Variants in ADK observed in about 807,000 individuals in gnomAD.
The protein encoded by ADK is N6,N6-dimethyladenosine kinase.
Under a neutral mutation model 44.7 loss-of-function variants are expected in ADK, and 24 were observed. That is an observed-to-expected ratio of 0.54 (90% CI 0.39 to 0.76). The LOEUF (loss-of-function observed/expected upper bound fraction) is 0.76, where lower values mean the gene tolerates loss of function less well. Among genes scored for constraint, ADK ranks in the 30% least tolerant of loss-of-function variants. The pLI is 0.00. For synonymous variants in ADK, 128 were observed against 142.6 expected, an observed-to-expected ratio of 0.90 and a Z score of 0.73; for missense variants, 321 against 425.1, an observed-to-expected ratio of 0.76 and a Z score of 2.15.
At position 74,270,649 on chromosome 10, in the gene ADK, C is replaced by T. The variant is rs374778057; in HGVS notation, c.195-44018C>T. ...TAGACTATGCTTTGAGAACTGCTGG[C>T]CTTAGCAATTGAACGTAAGTACAGT... On this transcript the variant is annotated intron_variant, in intron 3 of 10. Coordinates refer to ENST00000539909, the MANE Select transcript of ADK (RefSeq NM_006721.4). Among the ~76,000 whole-genome samples, 7 of 152,262 alleles carry T rather than the reference C, an allele frequency of 4.6e-5. No individual in the cohort carries two copies. The East Asian group carries it at 1.2e-3, about 25-fold the overall frequency.
At chr10:74,659,356 T>G (rs1854609696) in intron 9 of ADK, among the ~76,000 whole-genome samples, 1 of 152,264 alleles carries the variant, frequency 6.6e-6, no homozygotes, top group South Asian at 2.1e-4. Context: ...ACACTCATTC[T>G]CTTATATGTT....
At chr10:74,215,238 C>T (rs1372280621) in intron 2 of ADK, among the ~76,000 whole-genome samples, 1 of 152,134 alleles carries the variant, frequency 6.6e-6, no homozygotes, top group African/African-American at 2.4e-5. Flanking sequence ...CCTATCTATG[C>T]CATTAGAAAA....
intron 6 of ADK, among the ~76,000 whole-genome samples, chr10:74,491,403 C>G (rs74146369): frequency 1.4e-4 from 22 of 152,206 alleles, no homozygotes; most frequent in African/African-American, 4.8e-4. Flanking sequence ...TCACTATGTT[C>G]GGCTTTAATT....
At chr10:74,490,358 G>A (rs1311834210) in intron 6 of ADK, among the ~76,000 whole-genome samples, 5 of 151,964 alleles carry the variant, frequency 3.3e-5, no homozygotes, top group Admixed American at 1.3e-4. Flanking sequence ...AATGTAGAAC[G>A]ATGTTAAACC....
chr10:74,467,046 C>G (rs1436394102), intron 6 of ADK, among the ~76,000 whole-genome samples: 1 of 151,796 alleles, frequency 6.6e-6, no homozygotes, highest in Non-Finnish European at 1.5e-5. Context: ...TTGTATGATA[C>G]AGAAGGAAAA....
intron 7 of ADK, among the ~76,000 whole-genome samples, chr10:74,534,822 C>A (rs1300212192): frequency 6.6e-6 from 1 of 152,208 alleles, no homozygotes; most frequent in Non-Finnish European, 1.5e-5. Context: ...GGAAAACTCA[C>A]AGCTATTGGG....
chr10:74,647,048 A>G (rs1373878953), intron 9 of ADK, among the ~76,000 whole-genome samples: 1 of 152,082 alleles, frequency 6.6e-6, no homozygotes, highest in Admixed American at 6.5e-5. Flanking sequence ...TTGTATATTG[A>G]GTGAGCTCCG....
intron 6 of ADK, among the ~76,000 whole-genome samples, chr10:74,483,559 G>A (rs1847152619): frequency 6.6e-6 from 1 of 152,142 alleles, no homozygotes; most frequent in South Asian, 2.1e-4. Context: ...ACACGGTCAG[G>A]CTGTACATTT....
chr10:74,229,074 T>A (rs539079978), intron 3 of ADK, among the ~76,000 whole-genome samples: 6 of 152,358 alleles, frequency 3.9e-5, no homozygotes, highest in Admixed American at 3.3e-4. Flanking sequence ...GATTTTTTAA[T>A]GTCAAAAATT....
At chr10:74,256,002 AG>A (rs1277926995) in intron 3 of ADK, among the ~76,000 whole-genome samples, 1 of 152,154 alleles carries the variant, frequency 6.6e-6, no homozygotes. Context: ...ATCAGTGTTG[AG>A]GGAGTACAAA....
intron 3 of ADK, among the ~76,000 whole-genome samples, chr10:74,295,571 T>A (rs1238900352): frequency 6.6e-6 from 1 of 152,178 alleles, no homozygotes; most frequent in Non-Finnish European, 1.5e-5. Flanking sequence ...TTAAATGGTG[T>A]CTTTGATGAA....
chr10:74,382,955 C>T (rs1346792454), intron 4 of ADK, among the ~76,000 whole-genome samples: 3 of 151,524 alleles, frequency 2.0e-5, no homozygotes, highest in Non-Finnish European at 4.4e-5. Flanking sequence ...ATTGGATTTT[C>T]CCCCCCTCCT....
Position 74,577,593 on chromosome 10 carries a change from T to C in ADK, c.727-11689T>C, listed in dbSNP as rs182736696. Among the ~76,000 whole-genome samples, 339 of 152,206 alleles carry C rather than the reference T, an allele frequency of 2.2e-3. 4 individuals carry two copies. Among genetic ancestry groups the C allele is most frequent in the Non-Finnish European group, 2.9e-3 (197 of 67,978 alleles). On this transcript the variant is annotated intron_variant, in intron 7 of 10. Coordinates refer to ENST00000539909, the MANE Select transcript of ADK (RefSeq NM_006721.4). ...TATTACCTTTATTTTTCACTAGATG[T>C]AGGAAAGTAGATGCTGCTCTGTTTT...
At chr10:74,154,551 G>A (rs1841698508) in intron 1 of ADK, among the ~76,000 whole-genome samples, 1 of 152,172 alleles carries the variant, frequency 6.6e-6, no homozygotes, top group Non-Finnish European at 1.5e-5. Flanking sequence ...TTACAGGTGT[G>A]AGCCACCGTG....
rs527931842 is a variant in ADK, at chr10:74,547,937, C to T, written c.726+22511C>T. On this transcript the variant is annotated intron_variant, in intron 7 of 10. Transcript: ENST00000539909. ...CCTCCCAAAGTGCTGGGATTACAGG[C>T]GTGAGCCACCGCGCCCGGCCTAATT... 3.9e-5 allele frequency among the ~76,000 whole-genome samples: 6 copies of T among 152,270 alleles called. No homozygotes were observed. In the South Asian group the frequency reaches 1.0e-3, roughly 26 times the overall value.
At chr10:74,406,974 T>C (rs1592164879) in intron 6 of ADK, among the ~76,000 whole-genome samples, 1 of 150,938 alleles carries the variant, frequency 6.6e-6, no homozygotes, top group Non-Finnish European at 1.5e-5. Context: ...CCACTGTGCC[T>C]GGCCTCTTTC....
intron 4 of ADK, among the ~76,000 whole-genome samples, chr10:74,330,281 G>A (rs1286154248): frequency 6.6e-6 from 1 of 152,120 alleles, no homozygotes; most frequent in Non-Finnish European, 1.5e-5. Flanking sequence ...GTGTGGTGGT[G>A]CATACCTGTA....
chr10:74,510,029 G>C (rs929115509), intron 6 of ADK, among the ~76,000 whole-genome samples: 20 of 152,148 alleles, frequency 1.3e-4, no homozygotes, highest in African/African-American at 3.9e-4. Flanking sequence ...ATTGTGGATA[G>C]TGCTGCAATA....
chr10:74,160,677 GCA>G, intron 1 of ADK, among the ~76,000 whole-genome samples: 1 of 151,454 alleles, frequency 6.6e-6, no homozygotes, highest in East Asian at 1.9e-4. Flanking sequence ...GTGTGTGCGT[GCA>G]TGCAGGTAGG....
Sources: gnomAD v4.1 joint callset for allele counts (sites outside exome capture counted in the v4.1 genomes callset) on GRCh38, gnomAD v4.1.1 for gene constraint, MANE v1.5 for transcripts, NCBI Gene and HGNC (gene_info 2026-07-23, HGNC 2026-07-21) for gene names.